LRRC63: variants seen among roughly 807,000 people sequenced by gnomAD.
The protein encoded by LRRC63 is leucine rich repeat containing 63, also known as leucine-rich repeat-containing protein 63.
A neutral mutation model predicts 49.5 loss-of-function variants in LRRC63; 40 were observed. The ratio of observed to expected loss-of-function variants is 0.81; its 90% CI spans 0.63 to 1.05. The LOEUF is 1.05. LRRC63 is among the 50% of genes least tolerant of loss of function. LRRC63 has a pLI of 0.00. For synonymous variants in LRRC63, 191 were observed against 221.1 expected (o/e 0.86, Z 1.21); for missense variants, 636 against 663.1 (o/e 0.96, Z 0.45).
intron 7 of LRRC63, among the ~76,000 whole-genome samples, chr13:46,257,777 T>A (rs2047538472): frequency 6.6e-6 from 1 of 152,236 alleles, no homozygotes; most frequent in African/African-American, 2.4e-5. Context: ...TTAAGATACA[T>A]ATTTTTTCTA....
At chr13:46,236,103 G>T (rs1195039523) in intron 5 of LRRC63, among the ~76,000 whole-genome samples, 1 of 151,618 alleles carries the variant, frequency 6.6e-6, no homozygotes, top group Non-Finnish European at 1.5e-5. Flanking sequence ...TCGGTCAATT[G>T]AAATGATCAA....
rs1297668702 is a variant in LRRC63, at chr13:46,228,727, C to T, written c.826C>T (p.Pro276Ser). 4 of 1,534,052 alleles carry T rather than the reference C, an allele frequency of 2.6e-6. No homozygotes were observed. In the South Asian group the frequency reaches 4.8e-5, roughly 18 times the overall value. Residue 276 changes from proline (P) to serine (S), a missense_variant, in exon 4 of 10, where the codon CCT becomes TCT. Transcript: ENST00000595396. ...CCCAAAGCAAATCCCACCAAGACCA[C>T]CTGAAGGTAAATGCTAGATTTATAC...
At chr13:46,245,232 A>G (rs974068341) in intron 5 of LRRC63, among the ~76,000 whole-genome samples, 2 of 152,208 alleles carry the variant, frequency 1.3e-5, no homozygotes, top group Non-Finnish European at 2.9e-5. Context: ...AGTGAGAAGT[A>G]GAACAATTCA....
intron 5 of LRRC63, among the ~76,000 whole-genome samples, chr13:46,244,901 T>TA (rs540837310): frequency 1.3e-5 from 2 of 151,574 alleles, no homozygotes; most frequent in Non-Finnish European, 2.9e-5. Flanking sequence ...AACACCACAA[T>TA]AAAAAAAATA....
At chr13:46,250,552 A>G in intron 7 of LRRC63, 61 bp downstream of exon 7, 1 of 1,352,572 alleles carries the variant, frequency 7.4e-7, no homozygotes, top group East Asian at 2.5e-5. Flanking sequence ...GAAAAAGATC[A>G]ATTTCCCCTT....
At chr13:46,267,536 G>A (rs1209304553) in intron 9 of LRRC63, among the ~76,000 whole-genome samples, 1 of 152,138 alleles carries the variant, frequency 6.6e-6, no homozygotes, top group Non-Finnish European at 1.5e-5. Context: ...TCAGTGCTTA[G>A]GTTATTAATT....
At position 46,227,931 on chromosome 13, in the gene LRRC63, CAA is replaced by C; in HGVS notation, c.509_510del (p.Lys170ThrfsTer2). On this transcript the variant is annotated frameshift_variant, in exon 3 of 10. Coordinates refer to ENST00000595396, the Ensembl canonical transcript of LRRC63. LOFTEE classifies it high-confidence loss of function. ...AAGTACTCCTGGCTCAGTTATCGCT[CAA>C]AAACTTGAGAAAATGCACCCTAAGC... The C allele has an allele frequency of 1.9e-6, 3 of 1,550,606 alleles. No individual in the cohort carries two copies. Among genetic ancestry groups the C allele is most frequent in the Non-Finnish European group, 2.6e-6 (3 of 1,146,984 alleles).
intron 2 of LRRC63, among the ~76,000 whole-genome samples, chr13:46,221,314 A>G (rs976208580): frequency 6.6e-6 from 1 of 152,250 alleles, no homozygotes; most frequent in Non-Finnish European, 1.5e-5. Flanking sequence ...ATGAAGTCAT[A>G]CATGAGCAAT....
chr13:46,215,715 G>A (rs938396030), intron 2 of LRRC63, among the ~76,000 whole-genome samples: 2 of 152,146 alleles, frequency 1.3e-5, no homozygotes, highest in East Asian at 3.8e-4. Flanking sequence ...GAATGGTATT[G>A]CCTAGGTTTT....
chr13:46,263,758 T>C (rs186792405), intron 8 of LRRC63, among the ~76,000 whole-genome samples: 11 of 152,362 alleles, frequency 7.2e-5, no homozygotes, highest in Admixed American at 2.6e-4. Context: ...ATGTCTCTTT[T>C]TATTAAAGAA....
At chr13:46,246,163 G>GT (rs1396878725) in intron 5 of LRRC63, among the ~76,000 whole-genome samples, 1 of 152,082 alleles carries the variant, frequency 6.6e-6, no homozygotes, top group Admixed American at 6.5e-5. Context: ...TGCTATGATC[G>GT]TAAGTTTCCT....
chr13:46,246,498 A>G, intron 5 of LRRC63, 29 bp from the exon 6 acceptor site: 1 of 1,161,004 alleles, frequency 8.6e-7, no homozygotes, highest in Non-Finnish European at 1.1e-6. Context: ...TTAGTGATTA[A>G]CACCTTATCT....
intron 9 of LRRC63, among the ~76,000 whole-genome samples, chr13:46,269,440 G>GA (rs2047725204): frequency 6.6e-6 from 1 of 152,102 alleles, no homozygotes; most frequent in Non-Finnish European, 1.5e-5. Context: ...TGGAATAAAT[G>GA]ATGCTGAGAC....
chr13:46,233,612 A>ATC (rs1838944695), intron 4 of LRRC63, among the ~76,000 whole-genome samples: 1 of 152,152 alleles, frequency 6.6e-6, no homozygotes, highest in South Asian at 2.1e-4. Flanking sequence ...TTTTGATGGA[A>ATC]GGTGAAACCC....
chr13:46,252,860 T>C (rs1260954082), intron 7 of LRRC63, among the ~76,000 whole-genome samples: 4 of 151,972 alleles, frequency 2.6e-5, no homozygotes, highest in Non-Finnish European at 5.9e-5. Context: ...TGGTAAGAAA[T>C]GGTACAGTAA....
At chr13:46,270,202 T>G in intron 9 of LRRC63, 1 of 818,186 alleles carries the variant, frequency 1.2e-6, no homozygotes, top group South Asian at 1.3e-5. Context: ...CACAGCACTC[T>G]AACCGAATAT....
chr13:46,238,309 C>T (rs1156905279), intron 5 of LRRC63, among the ~76,000 whole-genome samples: 1 of 152,140 alleles, frequency 6.6e-6, no homozygotes, highest in African/African-American at 2.4e-5. Flanking sequence ...CTTTACAGAA[C>T]TCTACCCCTA....
chr13:46,255,299 A>G (rs146817667), intron 7 of LRRC63, among the ~76,000 whole-genome samples: 25 of 152,200 alleles, frequency 1.6e-4, no homozygotes, highest in Admixed American at 5.2e-4. Context: ...TAGCTGTTCA[A>G]TGGATATAGA....
chr13:46,213,608 A>G (rs2046160153), intron 2 of LRRC63, among the ~76,000 whole-genome samples: 1 of 152,234 alleles, frequency 6.6e-6, no homozygotes, highest in Admixed American at 6.5e-5. Context: ...TGAGCACAAG[A>G]AGGCTGTGAT....
Sources: gnomAD v4.1 joint callset for allele counts (sites outside exome capture counted in the v4.1 genomes callset) on GRCh38, gnomAD v4.1.1 for gene constraint, MANE v1.5 for transcripts, NCBI Gene and HGNC (gene_info 2026-07-23, HGNC 2026-07-21) for gene names.